The following MAGI3 variants were observed in gnomAD, a reference collection of about 807,000 sequenced individuals.
MAGI3 encodes the protein membrane-associated guanylate kinase, WW and PDZ domain-containing protein 3.
In MAGI3, 43 loss-of-function variants were observed where a neutral mutation model predicts 121.8. That is an observed-to-expected ratio of 0.35 (90% CI 0.28 to 0.46). The LOEUF is 0.46. Among genes scored for constraint, MAGI3 ranks in the 20% least tolerant of loss-of-function variants. MAGI3 has a pLI of 1.00. For synonymous variants in MAGI3, 553 were observed against 639.3 expected, an observed-to-expected ratio of 0.86 and a Z score of 2.04; for missense variants, 1,547 against 1,797.3, an observed-to-expected ratio of 0.86 and a Z score of 2.52.
intron 1 of MAGI3, among the ~76,000 whole-genome samples, chr1:113,532,562 T>C (rs908020242): frequency 3.3e-5 from 5 of 152,184 alleles, no homozygotes; most frequent in African/African-American, 1.2e-4. Flanking sequence ...AATTGTCACA[T>C]CTGTTTCTTT....
intron 4 of MAGI3, among the ~76,000 whole-genome samples, chr1:113,586,892 T>C (rs148521939): frequency 6.6e-6 from 1 of 152,360 alleles, no homozygotes; most frequent in African/African-American, 2.4e-5. Flanking sequence ...TGATGCTTCA[T>C]GTAAGTCACT....
At chr1:113,639,011 C>T (rs539789895) in intron 9 of MAGI3, among the ~76,000 whole-genome samples, 1 of 152,356 alleles carries the variant, frequency 6.6e-6, no homozygotes, top group Non-Finnish European at 1.5e-5. Flanking sequence ...ATCAGTGAGA[C>T]TCCGTGGGCG....
intron 1 of MAGI3, among the ~76,000 whole-genome samples, chr1:113,530,651 G>A (rs987979213): frequency 1.3e-5 from 2 of 151,926 alleles, no homozygotes; most frequent in Non-Finnish European, 2.9e-5. Flanking sequence ...CAGGTGCAGC[G>A]GCCTTATGCC....
chr1:113,516,486 CA>C (rs1187812707), intron 1 of MAGI3, among the ~76,000 whole-genome samples: 1 of 150,238 alleles, frequency 6.7e-6, no homozygotes, highest in East Asian at 1.9e-4. Flanking sequence ...TCTCAACTGC[CA>C]AATCTGGAAT....
chr1:113,633,237 CAT>C (rs1651765823), intron 9 of MAGI3, among the ~76,000 whole-genome samples: 3 of 91,960 alleles, frequency 3.3e-5, no homozygotes, highest in Admixed American at 1.4e-4. Flanking sequence ...ATGAACTCAT[CAT>C]TTTTTTTTTT....
chr1:113,511,369 A>G (rs925062605), intron 1 of MAGI3, among the ~76,000 whole-genome samples: 3 of 152,238 alleles, frequency 2.0e-5, no homozygotes, highest in Non-Finnish European at 4.4e-5. Flanking sequence ...TACTAACACA[A>G]GTTAGGAAAG....
chr1:113,664,350 C>T (rs1653928019), intron 16 of MAGI3, among the ~76,000 whole-genome samples: 1 of 152,160 alleles, frequency 6.6e-6, no homozygotes, highest in Non-Finnish European at 1.5e-5. Context: ...ATAACCTGTC[C>T]ACTTCCCTAT....
intron 1 of MAGI3, among the ~76,000 whole-genome samples, chr1:113,408,953 A>G (rs947501935): frequency 6.6e-6 from 1 of 152,040 alleles, no homozygotes; most frequent in African/African-American, 2.4e-5. Flanking sequence ...TATTAATTTT[A>G]TAGCTATTTA....
intron 15 of MAGI3, among the ~76,000 whole-genome samples, chr1:113,656,053 G>A (rs948774808): frequency 3.3e-5 from 5 of 152,192 alleles, no homozygotes; most frequent in African/African-American, 1.2e-4. Context: ...CATGTGGCAG[G>A]AGATGAGTAT....
At chr1:113,673,577 G>A in intron 19 of MAGI3, 112 bp downstream of exon 19, 1 of 1,209,332 alleles carries the variant, frequency 8.3e-7, no homozygotes. Context: ...CTAAAAAGCA[G>A]GATTTGTCAT....
chr1:113,590,929 TG>T (rs1223444062), intron 5 of MAGI3, among the ~76,000 whole-genome samples: 1 of 152,056 alleles, frequency 6.6e-6, no homozygotes, highest in African/African-American at 2.4e-5. Context: ...TGGTGAAAAA[TG>T]TAAAGAATAA....
At chr1:113,519,926 G>A (rs1212868461) in intron 1 of MAGI3, among the ~76,000 whole-genome samples, 1 of 152,210 alleles carries the variant, frequency 6.6e-6, no homozygotes, top group Non-Finnish European at 1.5e-5. Flanking sequence ...CTAGCCAAGG[G>A]CTAATCTTGC....
chr1:113,413,600 G>T (rs374440941), intron 1 of MAGI3, among the ~76,000 whole-genome samples: 16 of 151,948 alleles, frequency 1.1e-4, no homozygotes, highest in East Asian at 7.8e-4. Context: ...TCACATCCCT[G>T]GTAAGTTGGA....
rs760562212 is a variant in MAGI3 at position 113,590,694 on chromosome 1, A to T, written c.938+36A>T. 3 of 1,569,894 alleles carry T rather than the reference A, an allele frequency of 1.9e-6. No individual in the cohort carries two copies. The Admixed American group carries it at 5.9e-5, about 31-fold the overall frequency. On this transcript the variant is annotated intron_variant, in intron 5 of 20. Coordinates refer to ENST00000307546, the MANE Select transcript of MAGI3 (RefSeq NM_001142782.2). The stretch of plus-strand genomic sequence containing the variant: ...GTCTCTATCTCTTCTAATGTGCCCT[A>T]ACATGTTGAGGATTGTCTAAGATTT...
intron 1 of MAGI3, among the ~76,000 whole-genome samples, chr1:113,433,694 C>G (rs1398721022): frequency 1.3e-5 from 2 of 152,064 alleles, no homozygotes; most frequent in African/African-American, 4.8e-5. Flanking sequence ...AAAATACAAA[C>G]TCATAGATAA....
At chr1:113,482,424 G>C (rs1656155106) in intron 1 of MAGI3, among the ~76,000 whole-genome samples, 1 of 151,660 alleles carries the variant, frequency 6.6e-6, no homozygotes, top group South Asian at 2.1e-4. Flanking sequence ...GCCTCAATCT[G>C]CCAGGCTCAA....
intron 1 of MAGI3, among the ~76,000 whole-genome samples, chr1:113,459,145 G>A (rs940089912): frequency 1.3e-5 from 2 of 151,940 alleles, no homozygotes; most frequent in Non-Finnish European, 2.9e-5. Context: ...GCATTTTATT[G>A]TCAAAAGGCA....
Position 113,658,958 on chromosome 1 carries a change from T to C in MAGI3, c.2630-122T>C, listed in dbSNP as rs935690359. 25 of 849,212 alleles carry C rather than the reference T, an allele frequency of 2.9e-5. No individual in the cohort carries two copies. In the South Asian group the frequency reaches 3.1e-4, roughly 11 times the overall value. 52.6% of individuals were successfully genotyped at this position (849,212 alleles called of 1,614,324 possible). ...ATGCGATGATGACGTGTGGTACTTTTCTGTTATGTTTTTAAATAATTTTCT... is the reference window on the plus strand; with the variant it reads ...ATGCGATGATGACGTGTGGTACTTTCCTGTTATGTTTTTAAATAATTTTCT... On this transcript the variant is annotated intron_variant, in intron 15 of 20. Transcript: ENST00000307546. The surrounding 1 kb of genome is among the most constrained non-coding windows in gnomAD (Gnocchi z 4.0).
chr1:113,512,106 G>A (rs1484806755), intron 1 of MAGI3, among the ~76,000 whole-genome samples: 2 of 152,126 alleles, frequency 1.3e-5, no homozygotes, highest in African/African-American at 2.4e-5. Context: ...TTTAAAATCA[G>A]TAAAATAATT....
Sources: gnomAD v4.1 joint callset for allele counts (sites outside exome capture counted in the v4.1 genomes callset) on GRCh38, gnomAD v4.1.1 for gene constraint, Gnocchi (gnomAD v3.1) non-coding constraint, MANE v1.5 for transcripts, NCBI Gene and HGNC (gene_info 2026-07-23, HGNC 2026-07-21) for gene names.